Variants in MAT2B observed in about 807,000 individuals in gnomAD.
MAT2B encodes methionine adenosyltransferase 2 subunit beta.
A neutral mutation model predicts 36.1 loss-of-function variants in MAT2B; 16 were observed. The ratio of observed to expected loss-of-function variants is 0.44; its 90% CI spans 0.30 to 0.67. MAT2B has a LOEUF of 0.67. MAT2B is among the 30% of genes least tolerant of loss of function. The probability of loss-of-function intolerance (pLI) is 0.09; values close to 1 mark genes in which losing one functional copy is unlikely to be tolerated. For synonymous variants in MAT2B, 148 were observed against 136.9 expected (o/e 1.08, Z -0.57); for missense variants, 332 against 398.2 (o/e 0.83, Z 1.42).
intron 1 of MAT2B, among the ~76,000 whole-genome samples, chr5:163,506,235 C>T (rs750130296): frequency 1.1e-4 from 17 of 152,176 alleles, no homozygotes; most frequent in Non-Finnish European, 1.5e-4. Flanking sequence ...TTACTTTAAT[C>T]CTCCACTGTG....
Position 163,513,901 on chromosome 5 carries a change from C to A in MAT2B, c.433C>A (p.Pro145Thr). ...AGATTATGTATTTGATGGAACAAAT[C>A]CACCTTACAGAGAGGAAGACATACC... is the stretch of plus-strand genomic sequence containing the variant. The part of the protein sequence containing the change: ...SSDYVFDGTN[P>T]PYREEDIPAP... Residue 145 changes from proline to threonine, a missense_variant, in exon 4 of 7, where the codon CCA becomes ACA. Physicochemically the swap from Pro to Thr is conservative, Grantham distance 38 (BLOSUM62 -1). Coordinates refer to ENST00000321757, the MANE Select transcript of MAT2B (RefSeq NM_013283.5). 1.9e-6 allele frequency: 3 copies of A among 1,613,024 alleles called. No homozygotes were observed. The highest frequency in any genetic ancestry group is 2.5e-6 in the Non-Finnish European group (3 of 1,179,378).
chr5:163,506,192 G>T (rs1759934442), intron 1 of MAT2B, among the ~76,000 whole-genome samples: 1 of 152,192 alleles, frequency 6.6e-6, no homozygotes, highest in South Asian at 2.1e-4. Flanking sequence ...GAACTCTTAA[G>T]TTCTCAGCAC....
In MAT2B at chr5:163,516,445, C is replaced by A. The variant is rs1760134259; in HGVS notation, c.527-73C>A. On this transcript the variant is annotated intron_variant, in intron 4 of 6. Transcript: ENST00000321757. ...GTTTCTACTTTGATATTATTTAAAT[C>A]CACACCCTTGTATCTTACATCAAAA... 4.1e-6 allele frequency: 5 copies of A among 1,228,042 alleles called. No homozygotes were observed. The South Asian group carries it at 5.3e-5, about 13-fold the overall frequency. 76.1% of individuals were successfully genotyped at this position (1,228,042 alleles called of 1,614,324 possible). A position where few individuals can be genotyped will look rare whatever the true frequency, so the allele number is the denominator to read the frequency against.
At chr5:163,505,077 C>T (rs1759905272), upstream of MAT2B, among the ~76,000 whole-genome samples, 1 of 152,072 alleles carries the variant, frequency 6.6e-6, no homozygotes, top group Admixed American at 6.5e-5. Context: ...ATCTCACACA[C>T]AGGTTTTTTC....
chr5:163,513,177 G>A (rs1330997158), intron 2 of MAT2B: 1 of 176,356 alleles, frequency 5.7e-6, no homozygotes. Flanking sequence ...TGTAGAGATT[G>A]AGTACCAACC....
rs140671288 is a variant in MAT2B, at chr5:163,512,245, T to C, written c.258+49T>C. 8.3e-6 allele frequency: 12 copies of C among 1,451,170 alleles called. No individual in the cohort carries two copies. In the African/African-American group the frequency reaches 1.3e-4, roughly 15 times the overall value. 89.9% of individuals were successfully genotyped at this position (1,451,170 alleles called of 1,614,324 possible). On this transcript the variant is annotated intron_variant, in intron 2 of 6. Coordinates refer to ENST00000321757, the MANE Select transcript of MAT2B (RefSeq NM_013283.5). ...TATACATGAACAATATTAAGAGTTGTCTGGATGATACAGAAACTATCCTTG... is the reference window on the plus strand; with the variant it reads ...TATACATGAACAATATTAAGAGTTGCCTGGATGATACAGAAACTATCCTTG...
chr5:163,516,384 C>A, intron 4 of MAT2B, 134 bp from the exon 5 acceptor site: 1 of 683,868 alleles, frequency 1.5e-6, no homozygotes. Flanking sequence ...CACAAGTGAG[C>A]TGTGTCATTT....
chr5:163,517,353 A>C, intron 5 of MAT2B: 1 of 312,352 alleles, frequency 3.2e-6, no homozygotes, highest in Non-Finnish European at 5.9e-6. Context: ...AAAATTCTTA[A>C]GGTTTAAATT....
At position 163,505,763 on chromosome 5, in the gene MAT2B, C is replaced by T. The variant is rs1759922834; in HGVS notation, c.63+14C>T. The T allele has an allele frequency of 7.9e-7, 1 of 1,266,836 alleles. No individual in the cohort carries two copies. The highest frequency in any genetic ancestry group is 3.9e-5 in the South Asian group (1 of 25,888). 78.5% of individuals were successfully genotyped at this position (1,266,836 alleles called of 1,614,324 possible). On this transcript the variant is annotated intron_variant, in intron 1 of 6. Coordinates refer to ENST00000321757, the MANE Select transcript of MAT2B (RefSeq NM_013283.5). ...CGGCTGGTGGAGGTGAGGGAGTCGGCCTGGGCGTCTCCGGTGGGAGCGGGG... is the reference window on the plus strand; with the variant it reads ...CGGCTGGTGGAGGTGAGGGAGTCGGTCTGGGCGTCTCCGGTGGGAGCGGGG...
chr5:163,508,834 T>C (rs1759990835), intron 1 of MAT2B, among the ~76,000 whole-genome samples: 1 of 152,176 alleles, frequency 6.6e-6, no homozygotes, highest in African/African-American at 2.4e-5. Context: ...AGATTTTTAT[T>C]AAGAGTGACG....
chr5:163,513,837 T>G lies in MAT2B; in HGVS notation c.374-5T>G, dbSNP rs1334176499. 1.2e-6 allele frequency: 2 copies of G among 1,602,800 alleles called. No individual in the cohort carries two copies. Among genetic ancestry groups the G allele is most frequent in the African/African-American group, 1.3e-5 (1 of 74,224 alleles). ...ATTTAATAGATTTGTCTTCTTTTTTTGTAGCTGCTGTTGGAGCATTTCTCA... is the reference window on the plus strand; with the variant it reads ...ATTTAATAGATTTGTCTTCTTTTTTGGTAGCTGCTGTTGGAGCATTTCTCA... On this transcript the variant is annotated splice_polypyrimidine_tract_variant and splice_region_variant and intron_variant, in intron 3 of 6. Coordinates refer to ENST00000321757, the MANE Select transcript of MAT2B (RefSeq NM_013283.5).
chr5:163,511,407 G>GCATGCAC (rs1210719490), intron 1 of MAT2B, among the ~76,000 whole-genome samples: 4 of 148,488 alleles, frequency 2.7e-5, no homozygotes, highest in South Asian at 2.1e-4. Context: ...AGGACTACAG[G>GCATGCAC]CATGCACCAC....
rs1194110425 is a variant in MAT2B at position 163,516,578 on chromosome 5, C to T, written c.587C>T (p.Ala196Val). The change falls in exon 5 of 7, where the codon GCT (alanine) becomes GTT (valine). Residue 196 changes from alanine (A) to valine (V), a missense_variant. Ala to Val is a moderately conservative substitution (Grantham distance 64). Coordinates refer to ENST00000321757, the MANE Select transcript of MAT2B (RefSeq NM_013283.5). ...YGEVEKLEES[A>V]VTVMFDKVQF... ...GAAGTTGAAAAGCTCGAAGAAAGTG[C>T]TGTGACTGTTATGTTTGATAAAGTG... 1 of 1,614,178 alleles carries T rather than the reference C, an allele frequency of 6.2e-7. No individual in the cohort carries two copies. The highest frequency in any genetic ancestry group is 8.5e-7 in the Non-Finnish European group (1 of 1,180,020).
intron 1 of MAT2B, among the ~76,000 whole-genome samples, chr5:163,511,540 C>T (rs1760044792): frequency 1.3e-5 from 2 of 148,534 alleles, no homozygotes; most frequent in South Asian, 2.1e-4. Flanking sequence ...GCCTTGGCCT[C>T]GCAAAGTGCT....
At chr5:163,514,087 A>T in intron 4 of MAT2B, 93 bp downstream of exon 4, 1 of 989,418 alleles carries the variant, frequency 1.0e-6, no homozygotes, top group Non-Finnish European at 1.4e-6. Flanking sequence ...TTAAAAAGTC[A>T]ATGAATATGA....
At chr5:163,511,505 A>G (rs1038958394) in intron 1 of MAT2B, among the ~76,000 whole-genome samples, 2 of 131,528 alleles carry the variant, frequency 1.5e-5, no homozygotes, top group Admixed American at 1.8e-4. Context: ...CTGGTCTCGA[A>G]CTCCTGGGCT....
intron 2 of MAT2B, chr5:163,513,012 G>T (rs1277287322): frequency 4.8e-6 from 1 of 208,676 alleles, no homozygotes; most frequent in Non-Finnish European, 9.8e-6. Flanking sequence ...TTCAGACAGG[G>T]TCTCACTCTG....
At position 163,505,635 on chromosome 5, in the gene MAT2B, C is replaced by G. The variant is rs1413760924; in HGVS notation, c.-52C>G. On this transcript the variant is annotated 5_prime_UTR_variant, in exon 1 of 7. Transcript: ENST00000321757. ...GTCTGAGCTGAGGCCCGCGTCGATC[C>G]TGGGTTGGAGGAGGTGGCGGCCGCT... 1.6e-6 allele frequency: 2 copies of G among 1,255,324 alleles called. No homozygotes were observed. The highest frequency in any genetic ancestry group is 4.0e-5 in the South Asian group (1 of 24,868). 77.8% of individuals were successfully genotyped at this position (1,255,324 alleles called of 1,614,324 possible). A position where few individuals can be genotyped will look rare whatever the true frequency, so the allele number is the denominator to read the frequency against.
At chr5:163,510,429 CTT>C in intron 1 of MAT2B, among the ~76,000 whole-genome samples, 1 of 121,372 alleles carries the variant, frequency 8.2e-6, no homozygotes, top group East Asian at 2.3e-4. Flanking sequence ...TAGTCTTGCT[CTT>C]GTTACCCAGG....
Sources: allele counts gnomAD v4.1 joint callset (sites outside exome capture counted in the v4.1 genomes callset), GRCh38; gene constraint gnomAD v4.1.1; transcripts MANE v1.5; gene names NCBI Gene and HGNC (gene_info 2026-07-23, HGNC 2026-07-21).